The following ZSCAN5B variants were observed in gnomAD, a reference collection of about 807,000 sequenced individuals.
The protein encoded by ZSCAN5B is zinc finger and SCAN domain-containing protein 5B.
In ZSCAN5B, 26 loss-of-function variants were observed where a neutral mutation model predicts 25.2. The ratio of observed to expected loss-of-function variants is 1.03; its 90% CI spans 0.76 to 1.43. ZSCAN5B has a LOEUF of 1.43. Ranked by LOEUF, ZSCAN5B falls within the 40% of genes most tolerant of loss-of-function variation. The pLI is 0.00. For synonymous variants in ZSCAN5B, 244 were observed against 240.9 expected (o/e 1.01, Z -0.12); for missense variants, 745 against 622.1 (o/e 1.20, Z -2.10).
exon 2 of ZSCAN5B, chr19:56,193,131 G>A (rs902558677): frequency 5.7e-6 from 8 of 1,414,744 alleles, no homozygotes; most frequent in Non-Finnish European, 7.5e-6. Context: ...TATTTACACA[G>A]GCTGCCCCTG....
exon 4 of ZSCAN5B, chr19:56,190,919 C>A: frequency 6.2e-7 from 1 of 1,614,170 alleles, no homozygotes; most frequent in Non-Finnish European, 8.5e-7. Flanking sequence ...TCTCCAAGGT[C>A]TGCTTGGGTC....
intron 1 of ZSCAN5B, among the ~76,000 whole-genome samples, chr19:56,197,049 G>C (rs1307076024): frequency 6.6e-6 from 1 of 152,138 alleles, no homozygotes; most frequent in African/African-American, 2.4e-5. Context: ...AGGCCGAGGA[G>C]GGCACATAGC....
In ZSCAN5B at chr19:56,191,171, C is replaced by A. The variant is rs564322695; in HGVS notation, c.589-184G>T. Among the ~76,000 whole-genome samples the A allele has an allele frequency of 2.0e-5, 3 of 152,272 alleles. No individual in the cohort carries two copies. In the South Asian group the frequency reaches 6.2e-4, roughly 32 times the overall value. The stretch of plus-strand genomic sequence containing the variant: ...GCACCCTCCATATTCTAAATCAGCT[C>A]CTTTGCCTGGCGGTTTTCACTGTTT... On this transcript the variant is annotated intron_variant, in intron 3 of 4. Coordinates refer to ENST00000586855, the Ensembl canonical transcript of ZSCAN5B.
In ZSCAN5B at chr19:56,190,212, GA is replaced by G. The variant is rs760753515; in HGVS notation, c.1102del (p.Ser368ProfsTer3). 1 of 1,614,054 alleles carries G rather than the reference GA, an allele frequency of 6.2e-7. No homozygotes were observed. Among genetic ancestry groups the G allele is most frequent in the Non-Finnish European group, 8.5e-7 (1 of 1,179,982 alleles). ...TGACCTCCTGTGGATGCTTAGCTGG[GA>G]AAAATACTTAAATGATTTATTGCAC... is the stretch of plus-strand genomic sequence containing the variant. On this transcript the variant is annotated frameshift_variant, in exon 5 of 5. Transcript: ENST00000586855. LOFTEE classifies it low-confidence loss of function (END_TRUNC).
chr19:56,191,857 C>T (rs1009971818), exon 3 of ZSCAN5B: 1 of 1,614,060 alleles, frequency 6.2e-7, no homozygotes, highest in African/African-American at 1.3e-5. Flanking sequence ...CACCTGCCTC[C>T]TGGACAGTGC....
At chr19:56,193,672 C>T (rs1354173836) in intron 1 of ZSCAN5B, among the ~76,000 whole-genome samples, 1 of 152,188 alleles carries the variant, frequency 6.6e-6, no homozygotes, top group Non-Finnish European at 1.5e-5. Context: ...ACTAAAAAAT[C>T]CTATGAGAGG....
rs186932224 is a variant in ZSCAN5B at position 56,197,713 on chromosome 19, C to A, written c.-128+21G>T. On this transcript the variant is annotated intron_variant, in intron 1 of 4. Coordinates refer to ENST00000586855, the Ensembl canonical transcript of ZSCAN5B. ...GCATGCCAGCTCCGAAACCCCACAG[C>A]CATCGCCGCTGGACACTCACCTCCT... The A allele has an allele frequency of 1.2e-3, 1,171 of 983,724 alleles. 15 individuals are homozygous for A. In the African/African-American group the frequency reaches 0.019, roughly 16 times the overall value. The allele number at this position is 983,724 out of a possible 1,614,324, so 60.9% of individuals were successfully genotyped here. A position where few individuals can be genotyped will look rare whatever the true frequency, so the allele number is the denominator to read the frequency against.
intron 1 of ZSCAN5B, among the ~76,000 whole-genome samples, chr19:56,194,447 C>A (rs1169318131): frequency 6.6e-6 from 1 of 152,016 alleles, no homozygotes; most frequent in Non-Finnish European, 1.5e-5. Context: ...CATCACCACG[C>A]CCGGCTAATT....
At chr19:56,196,205 C>A (rs1388105103) in intron 1 of ZSCAN5B, among the ~76,000 whole-genome samples, 1 of 152,066 alleles carries the variant, frequency 6.6e-6, no homozygotes, top group African/African-American at 2.4e-5. Context: ...GCGTGAGCCA[C>A]CCCTCTCGGC....
At chr19:56,192,876 G>T (rs766641097) in exon 2 of ZSCAN5B, 1 of 1,614,068 alleles carries the variant, frequency 6.2e-7, no homozygotes, top group Non-Finnish European at 8.5e-7. Context: ...TCAGAGCCTG[G>T]ATGGGGTCCG....
intron 2 of ZSCAN5B, 75 bp downstream of exon 2, chr19:56,192,594 T>C (rs2032751686): frequency 1.3e-6 from 2 of 1,534,902 alleles, no homozygotes; most frequent in Non-Finnish European, 1.8e-6. Flanking sequence ...GCTGTGCTGA[T>C]ATTTGAGACT....
intron 4 of ZSCAN5B, 130 bp from the exon 5 acceptor site, chr19:56,190,705 T>A: frequency 6.5e-7 from 1 of 1,540,812 alleles, no homozygotes; most frequent in South Asian, 1.3e-5. Context: ...CATTGGACTG[T>A]AGGTCTCTGG....
intron 1 of ZSCAN5B, 55 bp from the exon 2 acceptor site, chr19:56,193,234 T>A: frequency 2.9e-6 from 2 of 685,250 alleles, no homozygotes; most frequent in South Asian, 2.5e-5. Flanking sequence ...CACACACCCC[T>A]CCCTTCCAAA....
rs371240483 is a variant in ZSCAN5B, at chr19:56,197,770, G to C, written c.-164C>G. ...CTTCTGCCTCCGACCTTCTCGGTCT[G>C]GGATGCGCTCTCCAACCGGCCTGGA... On this transcript the variant is annotated 5_prime_UTR_variant, in exon 1 of 5. Transcript: ENST00000586855. 10 of 985,250 alleles carry C rather than the reference G, an allele frequency of 1.0e-5. No homozygotes were observed. In the African/African-American group the frequency reaches 1.0e-4, roughly 10 times the overall value. 61.0% of individuals were successfully genotyped at this position (985,250 alleles called of 1,614,324 possible).
exon 5 of ZSCAN5B, chr19:56,189,778 C>T: frequency 6.5e-7 from 1 of 1,547,082 alleles, no homozygotes; most frequent in Non-Finnish European, 8.7e-7. Context: ...TGGAGAAAAA[C>T]CATCATTCAC....
chr19:56,192,058 AG>A lies in ZSCAN5B; in HGVS notation c.385-6del. 1 of 1,607,546 alleles carries A rather than the reference AG, an allele frequency of 6.2e-7. No homozygotes were observed. Among genetic ancestry groups the A allele is most frequent in the South Asian group, 1.1e-5 (1 of 89,996 alleles). On this transcript the variant is annotated splice_polypyrimidine_tract_variant and splice_region_variant and intron_variant, in intron 2 of 4. Coordinates refer to ENST00000586855, the Ensembl canonical transcript of ZSCAN5B. ...GCCGAGCAAGTTGACTATAGACTGT[AG>A]AGAGAAAAAAGACAATCAGACACTA...
intron 1 of ZSCAN5B, among the ~76,000 whole-genome samples, 156 bp downstream of exon 1, chr19:56,197,578 G>A (rs928535964): frequency 3.3e-5 from 5 of 151,940 alleles, no homozygotes; most frequent in Non-Finnish European, 7.4e-5. Context: ...GCACTTCATC[G>A]CCAGTCAGAG....
intron 2 of ZSCAN5B, 79 bp downstream of exon 2, chr19:56,192,590 C>G (rs2032751574): frequency 2.0e-6 from 3 of 1,532,844 alleles, no homozygotes; most frequent in Admixed American, 4.1e-5. Flanking sequence ...ATTAGCTGTG[C>G]TGATATTTGA....
chr19:56,196,725 T>C (rs138887686), intron 1 of ZSCAN5B, among the ~76,000 whole-genome samples: 2,815 of 152,334 alleles, frequency 0.018, 81 homozygotes, highest in African/African-American at 0.062. Context: ...ATTGTGCCAC[T>C]GTGCTCCAGC....
Sources: gnomAD v4.1 joint callset for allele counts (sites outside exome capture counted in the v4.1 genomes callset) on GRCh38, gnomAD v4.1.1 for gene constraint, MANE v1.5 for transcripts, NCBI Gene and HGNC (gene_info 2026-07-23, HGNC 2026-07-21) for gene names.